COL28A1: variants seen among roughly 807,000 people sequenced by gnomAD.
COL28A1 encodes the protein collagen type XXVIII alpha 1 chain, also known as collagen alpha-1(XXVIII) chain.
Under a neutral mutation model 150.2 loss-of-function variants are expected in COL28A1, and 161 were observed. The observed-to-expected ratio is 1.07, with a 90% CI of 0.94 to 1.22. The LOEUF (loss-of-function observed/expected upper bound fraction) is 1.22. COL28A1 is among the 50% of genes most tolerant of loss of function. COL28A1 has a pLI of 0.00. For missense variants in COL28A1, 1,617 were observed against 1,388.3 expected (o/e 1.16, Z -2.62); for synonymous variants, 552 against 469.7 (o/e 1.18, Z -2.26).
At chr7:7,540,266 T>C (rs1425781278), upstream of COL28A1, among the ~76,000 whole-genome samples, 1 of 152,240 alleles carries the variant, frequency 6.6e-6, no homozygotes, top group African/African-American at 2.4e-5. Flanking sequence ...ATTTATACCT[T>C]GACTAAACTC....
In COL28A1 at chr7:7,476,887, G is replaced by A. The variant is rs79081771; in HGVS notation, c.1233+225C>T. On this transcript the variant is annotated intron_variant, in intron 14 of 34. Coordinates refer to ENST00000399429, the MANE Select transcript of COL28A1 (RefSeq NM_001037763.3). ...TTAAGAGATTTTTCTAATTTCATAT[G>A]TAGTAATTACATGAAGTAGAAGTCT... Among the ~76,000 whole-genome samples, 78 of 152,328 alleles carry A rather than the reference G, an allele frequency of 5.1e-4. 1 individual carries two copies. In the East Asian group the frequency reaches 0.013, roughly 24 times the overall value.
rs548697218 is a variant in COL28A1 at position 7,358,511 on chromosome 7, A to T, written c.*122T>A. 6.7e-6 allele frequency: 6 copies of T among 889,342 alleles called. No individual in the cohort carries two copies. The highest frequency in any genetic ancestry group is 1.1e-5 in the Non-Finnish European group (6 of 571,022). The allele number at this position is 889,342 out of a possible 1,614,324, so 55.1% of individuals were successfully genotyped here. A position where few individuals can be genotyped will look rare whatever the true frequency, so the allele number is the denominator to read the frequency against. On this transcript the variant is annotated 3_prime_UTR_variant, in exon 35 of 35. Coordinates refer to ENST00000399429, the MANE Select transcript of COL28A1 (RefSeq NM_001037763.3). Reference sequence around the variant, plus strand: ...ATCCTAGGGCTGTAGTGAGAATTCAATTACATGTATAAGTTGTAAATACTC... The same window carrying T: ...ATCCTAGGGCTGTAGTGAGAATTCATTTACATGTATAAGTTGTAAATACTC...
At chr7:7,537,204 G>A (rs1347619648), upstream of COL28A1, among the ~76,000 whole-genome samples, 1 of 152,170 alleles carries the variant, frequency 6.6e-6, no homozygotes, top group African/African-American at 2.4e-5. Flanking sequence ...TACAAGGCAG[G>A]AACCAGCCCT....
At chr7:7,497,428 G>A (rs1780281685) in intron 11 of COL28A1, among the ~76,000 whole-genome samples, 1 of 152,152 alleles carries the variant, frequency 6.6e-6, no homozygotes, top group African/African-American at 2.4e-5. Flanking sequence ...TTACTGCATG[G>A]ATGAAAAGAT....
Position 7,373,693 on chromosome 7 carries a change from C to T in COL28A1, c.2360-147G>A, listed in dbSNP as rs543441627. ...TTGTGAAAATACCTGACAGCTGTCT[C>T]CATTCTGGTTTCTTTTTTTTTTTGT... On this transcript the variant is annotated intron_variant, in intron 31 of 34. Transcript: ENST00000399429. This position sits in a 1 kb window ranked among gnomAD's most constrained non-coding sequence, Gnocchi z 4.1. The T allele has an allele frequency of 1.5e-6, 1 of 661,778 alleles. No homozygotes were observed. The highest frequency in any genetic ancestry group is 2.9e-5 in the East Asian group (1 of 34,944). The allele number at this position is 661,778 out of a possible 1,614,324, so 41.0% of individuals were successfully genotyped here. A position where few individuals can be genotyped will look rare whatever the true frequency, so the allele number is the denominator to read the frequency against.
intron 15 of COL28A1, among the ~76,000 whole-genome samples, chr7:7,464,653 C>A (rs1003260321): frequency 7.9e-5 from 12 of 152,204 alleles, no homozygotes; most frequent in African/African-American, 2.9e-4. Context: ...CTCTGGGATA[C>A]TGCAAAGGCA....
chr7:7,433,411 G>C (rs145419398), intron 23 of COL28A1, among the ~76,000 whole-genome samples: 2,595 of 152,174 alleles, frequency 0.017, 54 homozygotes, highest in African/African-American at 0.051. Context: ...TGAGGTGGGT[G>C]GATCACCAGG....
chr7:7,489,008 T>A (rs1048220718), intron 13 of COL28A1, among the ~76,000 whole-genome samples: 3 of 152,144 alleles, frequency 2.0e-5, no homozygotes, highest in African/African-American at 7.2e-5. Flanking sequence ...TTGTTGCTCG[T>A]AAAGATGCAA....
chr7:7,410,222 T>C (rs2128303557), intron 27 of COL28A1, among the ~76,000 whole-genome samples: 2 of 152,274 alleles, frequency 1.3e-5, no homozygotes, highest in South Asian at 4.1e-4. Flanking sequence ...TTGATTTTGG[T>C]TTATAACCCA....
At chr7:7,516,339 A>AT (rs1457391096) in intron 7 of COL28A1, among the ~76,000 whole-genome samples, 2 of 152,238 alleles carry the variant, frequency 1.3e-5, no homozygotes, top group African/African-American at 4.8e-5. Context: ...GGTCTAAGAT[A>AT]TATAACATCA....
chr7:7,498,421 C>A (rs1280354548), intron 11 of COL28A1, among the ~76,000 whole-genome samples: 3 of 152,144 alleles, frequency 2.0e-5, no homozygotes, highest in East Asian at 3.9e-4. Flanking sequence ...TATATGACAG[C>A]GTGATAATGT....
intron 25 of COL28A1, among the ~76,000 whole-genome samples, chr7:7,429,461 T>G: frequency 7.9e-6 from 1 of 126,286 alleles, no homozygotes. Flanking sequence ...CTCTGTGCTC[T>G]GTGTGTGTGT....
chr7:7,434,333 C>G (rs1462624463), intron 23 of COL28A1, among the ~76,000 whole-genome samples: 1 of 152,108 alleles, frequency 6.6e-6, no homozygotes. Context: ...CTGGTCACTT[C>G]TCAGAACCAA....
intron 27 of COL28A1, among the ~76,000 whole-genome samples, chr7:7,397,199 T>C (rs1022959985): frequency 3.9e-5 from 6 of 152,144 alleles, no homozygotes; most frequent in Non-Finnish European, 8.8e-5. Flanking sequence ...AGAATCTATT[T>C]CCTTAATTTT....
At chr7:7,410,950 C>A (rs959859854) in intron 27 of COL28A1, among the ~76,000 whole-genome samples, 8 of 152,080 alleles carry the variant, frequency 5.3e-5, no homozygotes, top group Non-Finnish European at 1.2e-4. Context: ...TTCTATTTGG[C>A]CTTCAAGCAT....
rs145745368 is a variant in COL28A1 at position 7,482,125 on chromosome 7, G to A, written c.1165-4945C>T. ...GTGAAAAGAGAGTAGTACTAAATAC[G>A]AAACACTTGAAATAATTCAGGCAAA... On this transcript the variant is annotated intron_variant, in intron 13 of 34. Coordinates refer to ENST00000399429, the MANE Select transcript of COL28A1 (RefSeq NM_001037763.3). 3.3e-5 allele frequency among the ~76,000 whole-genome samples: 5 copies of A among 152,238 alleles called. No homozygotes were observed. The East Asian group carries it at 5.8e-4, about 18-fold the overall frequency.
intron 25 of COL28A1, among the ~76,000 whole-genome samples, chr7:7,425,810 C>G (rs6947175): frequency 6.6e-6 from 1 of 152,058 alleles, no homozygotes; most frequent in South Asian, 2.1e-4. Flanking sequence ...GGAGACTAAA[C>G]GACTTGCTGA....
chr7:7,485,003 T>A lies in COL28A1; in HGVS notation c.1164+4386A>T, dbSNP rs1240742411. ...GTGGAGGGTGAGAAAAGGGTGAGGA[T>A]GGATAAATTGCCTATCAGGTACTAT... On this transcript the variant is annotated intron_variant, in intron 13 of 34. Coordinates refer to ENST00000399429, the MANE Select transcript of COL28A1 (RefSeq NM_001037763.3). Among the ~76,000 whole-genome samples the A allele has an allele frequency of 3.9e-5, 6 of 152,254 alleles. No homozygotes were observed. In the South Asian group the frequency reaches 1.2e-3, roughly 32 times the overall value.
At chr7:7,509,280 G>T (rs2115135406) in intron 9 of COL28A1, among the ~76,000 whole-genome samples, 1 of 152,038 alleles carries the variant, frequency 6.6e-6, no homozygotes, top group Non-Finnish European at 1.5e-5. Flanking sequence ...ACAGGCACAT[G>T]TCCAACTAAT....
Sources: allele counts gnomAD v4.1 joint callset (sites outside exome capture counted in the v4.1 genomes callset), GRCh38; gene constraint gnomAD v4.1.1; non-coding constraint Gnocchi (gnomAD v3.1); transcripts MANE v1.5; gene names NCBI Gene and HGNC (gene_info 2026-07-23, HGNC 2026-07-21).